Variants in BICDL2 observed in about 807,000 individuals in gnomAD.
BICDL2 encodes BICD family-like cargo adapter 2.
A neutral mutation model predicts 56.6 loss-of-function variants in BICDL2; 62 were observed. The ratio of observed to expected loss-of-function variants is 1.10; its 90% CI spans 0.89 to 1.35. The LOEUF (loss-of-function observed/expected upper bound fraction) is 1.35, where lower values mean the gene tolerates loss of function less well. Among genes scored for constraint, BICDL2 ranks in the 40% most tolerant of loss-of-function variants. The pLI is 0.00. For missense variants in BICDL2, 808 were observed against 684.5 expected (o/e 1.18, Z -2.01); for synonymous variants, 358 against 319.8 (o/e 1.12, Z -1.27).
chr16:3,028,886 C>A, intron 7 of BICDL2, 56 bp from the exon 8 acceptor site: 1 of 1,502,248 alleles, frequency 6.7e-7, no homozygotes, highest in South Asian at 1.3e-5. Context: ...CTCCCTGCTT[C>A]TCCCAGCAGC....
At chr16:3,032,651 G>A (rs925945976) in intron 2 of BICDL2, 1 of 152,254 alleles carries the variant, frequency 6.6e-6, no homozygotes, top group African/African-American at 2.4e-5. Flanking sequence ...AGGACGTCAT[G>A]TTTGAGTCGA....
Position 3,030,437 on chromosome 16 carries a change from C to A in BICDL2, c.762+12G>T. Reference sequence around the variant, plus strand: ...GTCCAGGCAGTTGTAGTCCCCCAGCCCTGCAGGTCACCTCCAGGCTGTGCT... The same window carrying A: ...GTCCAGGCAGTTGTAGTCCCCCAGCACTGCAGGTCACCTCCAGGCTGTGCT... On this transcript the variant is annotated intron_variant, in intron 5 of 9. Coordinates refer to ENST00000572449, the MANE Select transcript of BICDL2 (RefSeq NM_001369667.1). The A allele has an allele frequency of 6.3e-7, 1 of 1,597,620 alleles. No homozygotes were observed. Among genetic ancestry groups the A allele is most frequent in the Non-Finnish European group, 8.5e-7 (1 of 1,177,966 alleles).
Position 3,029,448 on chromosome 16 carries a change from G to C in BICDL2, c.958-19C>G, listed in dbSNP as rs1474589714. The C allele has an allele frequency of 1.3e-6, 2 of 1,597,674 alleles. No homozygotes were observed. The highest frequency in any genetic ancestry group is 2.2e-5 in the South Asian group (2 of 90,276). On this transcript the variant is annotated intron_variant, in intron 6 of 9. Coordinates refer to ENST00000572449, the MANE Select transcript of BICDL2 (RefSeq NM_001369667.1). ...GGGTGGTCTGTGGGCCAAAGAAATGGGTTAGTGGTGTGGAGTTTATTGGGG... is the reference window on the plus strand; with the variant it reads ...GGGTGGTCTGTGGGCCAAAGAAATGCGTTAGTGGTGTGGAGTTTATTGGGG...
rs947005323 is a variant in BICDL2, at chr16:3,036,594, C to G, written c.-31+300G>C. 4.2e-5 allele frequency: 19 copies of G among 451,832 alleles called. No homozygotes were observed. The East Asian group carries it at 1.3e-3, about 32-fold the overall frequency. 28.0% of individuals were successfully genotyped at this position (451,832 alleles called of 1,614,324 possible). ...TCCCGGGGACCTCCCTGACTTGGCC[C>G]TCGCGGGCCCCGCTCCCCCGCCCCC... On this transcript the variant is annotated intron_variant, in intron 1 of 9. Coordinates refer to ENST00000572449, the MANE Select transcript of BICDL2 (RefSeq NM_001369667.1).
In BICDL2 at chr16:3,029,666, A is replaced by T; in HGVS notation, c.836T>A (p.Leu279Gln). The T allele has an allele frequency of 6.5e-7, 1 of 1,537,560 alleles. No homozygotes were observed. Among genetic ancestry groups the T allele is most frequent in the Non-Finnish European group, 8.7e-7 (1 of 1,147,308 alleles). ...LRRLQRRVSE[L>Q]EEESRLQDAD... ...GTCCTGGAGGCGTGACTCCTCCTCCAGCTCGGAGACGCGCCGCTGCAGCCT... is the reference window on the plus strand; with the variant it reads ...GTCCTGGAGGCGTGACTCCTCCTCCTGCTCGGAGACGCGCCGCTGCAGCCT... The change falls in exon 6 of 10, where the codon CTG becomes CAG. Residue 279 changes from leucine (L) to glutamine (Q), a missense_variant. By Grantham distance (113) the Leu-to-Gln change is moderately radical. Coordinates refer to ENST00000572449, the MANE Select transcript of BICDL2 (RefSeq NM_001369667.1).
chr16:3,029,796 G>A, intron 5 of BICDL2, 57 bp from the exon 6 acceptor site: 1 of 1,396,190 alleles, frequency 7.2e-7, no homozygotes, highest in Non-Finnish European at 9.4e-7. Context: ...ACGCAACGCC[G>A]ACATCCCGCG....
In BICDL2 at chr16:3,028,693, G is replaced by A. The variant is rs1485859465; in HGVS notation, c.1238+7C>T. ...GCTGGGGCGGTGGTCAATGGCTTGA[G>A]GCTTACTTGTTCACGGCCTCGTCCC... On this transcript the variant is annotated splice_region_variant and intron_variant, in intron 8 of 9. Transcript: ENST00000572449. 1.3e-6 allele frequency: 2 copies of A among 1,570,398 alleles called. No individual in the cohort carries two copies. The highest frequency in any genetic ancestry group is 4.7e-5 in the East Asian group (2 of 42,636).
chr16:3,035,340 G>A lies in BICDL2; in HGVS notation c.157C>T (p.Gln53Ter). 1 of 1,596,922 alleles carries A rather than the reference G, an allele frequency of 6.3e-7. No individual in the cohort carries two copies. The highest frequency in any genetic ancestry group is 1.1e-5 in the South Asian group (1 of 88,628). The change falls in exon 2 of 10, where the codon CAG (glutamine) becomes TAG (stop). Residue 53 changes from glutamine to a stop codon, truncating the protein, a stop_gained. Coordinates refer to ENST00000572449, the MANE Select transcript of BICDL2 (RefSeq NM_001369667.1). LOFTEE classifies it high-confidence loss of function. ...AGGTCTTTCTCCTTCTGCTGCAGCT[G>A]CAAGGCTAGGTCCTCGGGCTCCTCA... ...GPEEPEDLAL[Q>*]LQQKEKDLLL...
Position 3,031,164 on chromosome 16 carries a change from G to C in BICDL2, c.283-14C>G, listed in dbSNP as rs1338927067. ...CTGCTGGAGCCGCTGTGGGGGCCAG[G>C]GCAGAGGGACAGAGGCAGAGAGGCA... On this transcript the variant is annotated splice_polypyrimidine_tract_variant and intron_variant, in intron 2 of 9. Transcript: ENST00000572449. The C allele has an allele frequency of 6.5e-7, 1 of 1,533,482 alleles. No individual in the cohort carries two copies. The highest frequency in any genetic ancestry group is 1.2e-5 in the South Asian group (1 of 83,880). 95.0% of individuals were successfully genotyped at this position (1,533,482 alleles called of 1,614,324 possible).
Position 3,031,091 on chromosome 16 carries a change from C to G in BICDL2, c.342G>C (p.Trp114Cys), listed in dbSNP as rs182234517. 6.5e-7 allele frequency: 1 copy of G among 1,536,554 alleles called. No homozygotes were observed. The highest frequency in any genetic ancestry group is 2.4e-5 in the East Asian group (1 of 40,910). ...RRGLAARGAE[W>C]EARAVELEGD... ...CCTCCAGCTCCACGGCCCGGGCCTCCCACTCGGCTCCTCGGGCTGCCAGGC... is the reference window on the plus strand; with the variant it reads ...CCTCCAGCTCCACGGCCCGGGCCTCGCACTCGGCTCCTCGGGCTGCCAGGC... Residue 114 changes from tryptophan to cysteine, a missense_variant, in exon 3 of 10, where the codon TGG becomes TGC. Transcript: ENST00000572449.
chr16:3,029,623 G>A lies in BICDL2; in HGVS notation c.879C>T (p.Ala293=). 1 of 1,537,350 alleles carries A rather than the reference G, an allele frequency of 6.5e-7. No homozygotes were observed. The highest frequency in any genetic ancestry group is 8.7e-7 in the Non-Finnish European group (1 of 1,145,720). ...TGTGGGCCAGTTCTGACTGCAACGA[G>A]GCAGCCGACACGTCGGCGTCCTGGA... ...SRLQDADVSA[A]SLQSELAHSL... Residue 293 remains alanine (A), a synonymous_variant, in exon 6 of 10, where the codon GCC becomes GCT. Coordinates refer to ENST00000572449, the MANE Select transcript of BICDL2 (RefSeq NM_001369667.1).
At chr16:3,035,176 T>TTGGCCCGGGGGGG in intron 2 of BICDL2, 39 bp downstream of exon 2, 11 of 136,274 alleles carry the variant, frequency 8.1e-5, no homozygotes, top group Non-Finnish European at 1.5e-4. Context: ...CGTCCTCCCC[T>TTGGCCCGGGGGGG]GCCCACCCAC....
intron 2 of BICDL2, chr16:3,032,741 G>A (rs1272418600): frequency 6.6e-6 from 1 of 152,218 alleles, no homozygotes; most frequent in African/African-American, 2.4e-5. Context: ...GAGGGAACAA[G>A]CGTGAGTTCT....
chr16:3,030,533 C>T lies in BICDL2; in HGVS notation c.678G>A (p.Glu226=). 1 of 1,601,802 alleles carries T rather than the reference C, an allele frequency of 6.2e-7. No homozygotes were observed. The change falls in exon 5 of 10, where the codon GAG becomes GAA. Residue 226 remains glutamate (E), a synonymous_variant. Transcript: ENST00000572449. ...LEAQIRGLRE[E]VEKGEGRLQT... ...GCAGTCTGCCCTCACCCTTCTCCAC[C>T]TCCTCACGCAGGCCTCGGATCTGGG...
At chr16:3,036,166 C>T in intron 1 of BICDL2, 2 of 422,412 alleles carry the variant, frequency 4.7e-6, no homozygotes, top group Non-Finnish European at 4.6e-6. Flanking sequence ...CCATTTTCCA[C>T]GGGACTCAGG....
At chr16:3,030,202 T>G in intron 5 of BICDL2, 1 of 556,266 alleles carries the variant, frequency 1.8e-6, no homozygotes, top group East Asian at 3.0e-5. Context: ...CTGTCATTCC[T>G]GGCCTGAGCT....
rs1567424259 is a variant in BICDL2 at position 3,035,181 on chromosome 16, A to ACCCCCCCCCC, written c.282+33_282+34insGGGGGGGGGG. ...CAGGCCCACCCGTCCTCCCCTGCCC[A>ACCCCCCCCCC]CCCACCCACCCACCCCGTCCAGTGC... On this transcript the variant is annotated intron_variant, in intron 2 of 9. Coordinates refer to ENST00000572449, the MANE Select transcript of BICDL2 (RefSeq NM_001369667.1). 19 of 34,310 alleles carry ACCCCCCCCCC rather than the reference A, an allele frequency of 5.5e-4. 2 individuals are homozygous for ACCCCCCCCCC. The highest frequency in any genetic ancestry group is 1.4e-3 in the South Asian group (6 of 4,384). 2.1% of individuals were successfully genotyped at this position (34,310 alleles called of 1,614,324 possible). A position where few individuals can be genotyped will look rare whatever the true frequency, so the allele number is the denominator to read the frequency against.
chr16:3,036,051 G>C, intron 1 of BICDL2: 1 of 320,242 alleles, frequency 3.1e-6, no homozygotes, highest in South Asian at 2.4e-5. Context: ...CGGGTCTCTC[G>C]CCCTCATTCT....
intron 2 of BICDL2, chr16:3,031,839 A>C (rs1416896159): frequency 3.4e-6 from 1 of 294,874 alleles, no homozygotes; most frequent in Admixed American, 5.2e-5. Flanking sequence ...AGGGAGAATC[A>C]CTAACGTCCT....
Sources: allele counts gnomAD v4.1 joint callset, GRCh38; gene constraint gnomAD v4.1.1; transcripts MANE v1.5; gene names NCBI Gene and HGNC (gene_info 2026-07-23, HGNC 2026-07-21).